Variants in LGR5 observed in about 807,000 individuals in gnomAD.
The protein encoded by LGR5 is leucine rich repeat containing G protein-coupled receptor 5, also known as leucine-rich repeat-containing G protein-coupled receptor 5.
LGR5 carries 54 observed loss-of-function variants against 76.7 expected under a neutral mutation model. That is an observed-to-expected ratio of 0.70 (90% CI 0.57 to 0.88). LGR5 has a LOEUF of 0.88. Among genes scored for constraint, LGR5 ranks in the 40% least tolerant of loss-of-function variants. LGR5 has a pLI of 0.00. For synonymous variants in LGR5, 406 were observed against 421.9 expected, an observed-to-expected ratio of 0.96 and a Z score of 0.46; for missense variants, 1,078 against 1,073.3, an observed-to-expected ratio of 1.00 and a Z score of -0.06.
chr12:71,546,336 T>TATA (rs1877165046), intron 4 of LGR5, among the ~76,000 whole-genome samples: 1 of 116,816 alleles, frequency 8.6e-6, no homozygotes, highest in South Asian at 3.0e-4. Flanking sequence ...ATATATATAT[T>TATA]AACTGTTTGC....
chr12:71,477,815 T>G (rs960840584), intron 1 of LGR5, among the ~76,000 whole-genome samples: 1 of 152,178 alleles, frequency 6.6e-6, no homozygotes, highest in Non-Finnish European at 1.5e-5. Flanking sequence ...ATGTGTCAAC[T>G]AGTGGTAAAT....
intron 1 of LGR5, among the ~76,000 whole-genome samples, chr12:71,445,581 TA>T (rs984861026): frequency 1.3e-5 from 2 of 152,254 alleles, no homozygotes; most frequent in African/African-American, 4.8e-5. Flanking sequence ...TAAATTCTCA[TA>T]ATTCAAAACT....
At position 71,535,140 on chromosome 12, in the gene LGR5, C is replaced by G; in HGVS notation, c.382C>G (p.His128Asp). Residue 128 changes from histidine (H) to aspartate (D), a missense_variant, in exon 4 of 18, where the codon CAC (histidine) becomes GAC (aspartate). Physicochemically the swap from His to Asp is moderately conservative, Grantham distance 81. Transcript: ENST00000266674. ...TATGCTGCAGAATAATCAGCTAAGACACGTACCCACAGAAGCTCTGCAGAA... is the reference window on the plus strand; with the variant it reads ...TATGCTGCAGAATAATCAGCTAAGAGACGTACCCACAGAAGCTCTGCAGAA... ...VLMLQNNQLR[H>D]VPTEALQNLR... The G allele has an allele frequency of 1.9e-6, 3 of 1,611,636 alleles. No homozygotes were observed. The South Asian group carries it at 3.3e-5, about 18-fold the overall frequency.
At chr12:71,498,050 A>G (rs905662783) in intron 1 of LGR5, among the ~76,000 whole-genome samples, 2 of 152,300 alleles carry the variant, frequency 1.3e-5, no homozygotes, top group Non-Finnish European at 2.9e-5. Flanking sequence ...GGAGAAAAGA[A>G]GGGGGGAGCA....
intron 1 of LGR5, among the ~76,000 whole-genome samples, chr12:71,474,976 A>G (rs1364105503): frequency 6.6e-5 from 10 of 152,232 alleles, no homozygotes; most frequent in Non-Finnish European, 1.5e-4. Context: ...AGATGATATT[A>G]GGAAATAAAG....
chr12:71,504,741 T>A (rs1159341679), intron 2 of LGR5, 56 bp downstream of exon 2: 10 of 1,331,692 alleles, frequency 7.5e-6, no homozygotes, highest in Non-Finnish European at 1.1e-5. Context: ...ATTCTTGTGT[T>A]TGTCTCTCAT....
chr12:71,533,103 G>C (rs886541616), intron 3 of LGR5, among the ~76,000 whole-genome samples: 1 of 152,118 alleles, frequency 6.6e-6, no homozygotes, highest in Non-Finnish European at 1.5e-5. Flanking sequence ...CCAGAACTTT[G>C]GGAGGTTGAG....
At chr12:71,565,585 GA>G (rs1878304195) in intron 8 of LGR5, among the ~76,000 whole-genome samples, 1 of 149,444 alleles carries the variant, frequency 6.7e-6, no homozygotes, top group African/African-American at 2.5e-5. Context: ...TTTACCACAG[GA>G]ACATCTTATC....
At chr12:71,578,612 C>T (rs1878959505) in intron 14 of LGR5, among the ~76,000 whole-genome samples, 192 bp from the exon 15 acceptor site, 1 of 152,180 alleles carries the variant, frequency 6.6e-6, no homozygotes, top group African/African-American at 2.4e-5. Context: ...CTTTTCTCCC[C>T]TACAATCCTG....
intron 1 of LGR5, 36 bp from the exon 2 acceptor site, chr12:71,504,578 T>C (rs7307225): frequency 0.1 from 161,465 of 1,551,822 alleles, 9,015 homozygotes; most frequent in Non-Finnish European, 0.11. Context: ...TGGTGGCATT[T>C]GCTGCTCCTC....
chr12:71,507,238 C>G (rs1178685633), intron 2 of LGR5, among the ~76,000 whole-genome samples: 1 of 152,092 alleles, frequency 6.6e-6, no homozygotes, highest in East Asian at 1.9e-4. Context: ...TAGGTCAAAG[C>G]TAAGATTCAA....
chr12:71,449,339 C>A (rs17109687), intron 1 of LGR5, among the ~76,000 whole-genome samples: 2 of 152,132 alleles, frequency 1.3e-5, no homozygotes, highest in East Asian at 3.8e-4. Flanking sequence ...TTAACTCATG[C>A]GCAGCCCCTG....
chr12:71,571,658 A>T, intron 12 of LGR5, 79 bp downstream of exon 12: 1 of 1,041,676 alleles, frequency 9.6e-7, no homozygotes, highest in Non-Finnish European at 1.5e-6. Context: ...TGGTTCATTT[A>T]CCCTGTGGTT....
At chr12:71,459,371 T>C (rs1306528432) in intron 1 of LGR5, among the ~76,000 whole-genome samples, 2 of 152,102 alleles carry the variant, frequency 1.3e-5, no homozygotes, top group Non-Finnish European at 2.9e-5. Context: ...TCATGGCATA[T>C]GAGCCTGTAC....
chr12:71,480,628 C>A (rs920430709), intron 1 of LGR5, among the ~76,000 whole-genome samples: 6 of 151,942 alleles, frequency 3.9e-5, no homozygotes, highest in Admixed American at 3.3e-4. Flanking sequence ...ACCTTAGGAC[C>A]CATTGGGAGA....
intron 7 of LGR5, among the ~76,000 whole-genome samples, chr12:71,560,101 A>G (rs1238970460): frequency 1.3e-5 from 2 of 152,338 alleles, no homozygotes; most frequent in Admixed American, 1.3e-4. Context: ...ATTCACATAC[A>G]TTGCAGCTGA....
intron 3 of LGR5, among the ~76,000 whole-genome samples, chr12:71,533,281 G>T (rs901406047): frequency 5.3e-5 from 8 of 152,150 alleles, no homozygotes; most frequent in African/African-American, 1.9e-4. Flanking sequence ...GGAGGCAGAG[G>T]TTGCAGTGGG....
chr12:71,537,450 G>A (rs558410716), intron 4 of LGR5, among the ~76,000 whole-genome samples: 47 of 151,922 alleles, frequency 3.1e-4, no homozygotes, highest in Middle Eastern at 6.8e-3. Flanking sequence ...ACTCCAGCCT[G>A]AGCTACAGAG....
intron 1 of LGR5, among the ~76,000 whole-genome samples, chr12:71,463,353 C>G (rs956534284): frequency 6.6e-6 from 1 of 152,194 alleles, no homozygotes; most frequent in Non-Finnish European, 1.5e-5. Flanking sequence ...TGTATATTCT[C>G]TTAGCTTCAG....
Sources: gnomAD v4.1 joint callset for allele counts (sites outside exome capture counted in the v4.1 genomes callset) on GRCh38, gnomAD v4.1.1 for gene constraint, MANE v1.5 for transcripts, NCBI Gene and HGNC (gene_info 2026-07-23, HGNC 2026-07-21) for gene names.